The following TRIM3 variants were observed in gnomAD, a reference collection of about 807,000 sequenced individuals.
TRIM3 encodes the protein tripartite motif containing 3.
TRIM3 carries 13 observed loss-of-function variants against 66.6 expected under a neutral mutation model. The observed-to-expected ratio is 0.20, with a 90% CI of 0.13 to 0.31. The LOEUF (loss-of-function observed/expected upper bound fraction) is 0.31. Among genes scored for constraint, TRIM3 ranks in the 10% least tolerant of loss-of-function variants. The pLI is 1.00. For synonymous variants in TRIM3, 406 were observed against 411.7 expected, an observed-to-expected ratio of 0.99 and a Z score of 0.17; for missense variants, 711 against 1,020.4, an observed-to-expected ratio of 0.70 and a Z score of 4.13.
Position 6,457,385 on chromosome 11 carries a change from C to T in TRIM3, c.607G>A (p.Ala203Thr), listed in dbSNP as rs568644600. The part of the protein sequence containing the change: ...RKAEALAQIS[A>T]AFEDLEQALQ... ...GCTTGCTCCAGGTCCTCGAACGCTGCACTGATCTGGGCCAGGGCCTCTGCC... is the reference window on the plus strand; with the variant it reads ...GCTTGCTCCAGGTCCTCGAACGCTGTACTGATCTGGGCCAGGGCCTCTGCC... Residue 203 changes from alanine to threonine, a missense_variant, in exon 5 of 12, where the codon GCA (alanine) becomes ACA (threonine). Around this residue, in one of 3 missense-constraint regions of TRIM3, gnomAD observed 399 missense variants for 458.1 expected, o/e 0.87. Transcript: ENST00000345851. The surrounding 1 kb of genome is among the most constrained non-coding windows in gnomAD (Gnocchi z 4.5). 6.2e-7 allele frequency: 1 copy of T among 1,613,864 alleles called. No individual in the cohort carries two copies. Among genetic ancestry groups the T allele is most frequent in the South Asian group, 1.1e-5 (1 of 91,076 alleles).
rs1850748928 is a variant in TRIM3 at position 6,472,929 on chromosome 11, C to T, written c.-38+862G>A. Among the ~76,000 whole-genome samples the T allele has an allele frequency of 2.0e-5, 3 of 152,116 alleles. No homozygotes were observed. In the South Asian group the frequency reaches 6.2e-4, roughly 31 times the overall value. Reference sequence around the variant, plus strand: ...GATGAATGGGCACCAGTGAGCTAGACAGACTGGCCAAGGGAGACCTGTGAT... The same window carrying T: ...GATGAATGGGCACCAGTGAGCTAGATAGACTGGCCAAGGGAGACCTGTGAT... On this transcript the variant is annotated intron_variant, in intron 1 of 11. Coordinates refer to ENST00000345851, the MANE Select transcript of TRIM3 (RefSeq NM_033278.4).
rs976021456 is a variant in TRIM3 at position 6,469,414 on chromosome 11, G to A, written c.-37-3682C>T. ...CTGAATCTGAGATTCTCTTCCTCCC[G>A]TGGGGTCCTAGCTCTTCCATCCCAC... On this transcript the variant is annotated intron_variant, in intron 1 of 11. Transcript: ENST00000345851. Among the ~76,000 whole-genome samples, 3 of 152,134 alleles carry A rather than the reference G, an allele frequency of 2.0e-5. No individual in the cohort carries two copies. In the South Asian group the frequency reaches 6.2e-4, roughly 31 times the overall value.
At chr11:6,470,000 T>C (rs1195113936) in intron 1 of TRIM3, among the ~76,000 whole-genome samples, 1 of 152,208 alleles carries the variant, frequency 6.6e-6, no homozygotes, top group Non-Finnish European at 1.5e-5. Context: ...AGGCAAAAGA[T>C]ATATCATGCA....
rs2134149410 is a variant in TRIM3 at position 6,448,861 on chromosome 11, TA to T, written c.*166del. ...GTCACCAAAGCAAGAACCGAATAAA[TA>T]AAGTGCAACCGTGGGGGTGGGGGTA... On this transcript the variant is annotated 3_prime_UTR_variant, in exon 12 of 12. Coordinates refer to ENST00000345851, the MANE Select transcript of TRIM3 (RefSeq NM_033278.4). 1.3e-6 allele frequency: 1 copy of T among 786,522 alleles called. No homozygotes were observed. Among genetic ancestry groups the T allele is most frequent in the East Asian group, 2.6e-5 (1 of 38,632 alleles). 48.7% of individuals were successfully genotyped at this position (786,522 alleles called of 1,614,324 possible).
At position 6,450,347 on chromosome 11, in the gene TRIM3, C is replaced by G; in HGVS notation, c.1941+204G>C. The G allele has an allele frequency of 1.7e-6, 1 of 583,568 alleles. No homozygotes were observed. The highest frequency in any genetic ancestry group is 2.8e-5 in the East Asian group (1 of 35,844). 36.1% of individuals were successfully genotyped at this position (583,568 alleles called of 1,614,324 possible). ...CTACTAGACTATAATCAAGAAGACA[C>G]AGAATACATTTGCTTTGTGCATCAC... On this transcript the variant is annotated intron_variant, in intron 10 of 11. Coordinates refer to ENST00000345851, the MANE Select transcript of TRIM3 (RefSeq NM_033278.4). The surrounding 1 kb of genome is among the most constrained non-coding windows in gnomAD (Gnocchi z 4.8).
chr11:6,453,323 A>G (rs1196158123), intron 7 of TRIM3: 1 of 152,232 alleles, frequency 6.6e-6, no homozygotes. Flanking sequence ...CAGTCCACAA[A>G]GTCCTGCCAT....
Position 6,450,829 on chromosome 11 carries a change from G to A in TRIM3, c.1870+63C>T. On this transcript the variant is annotated intron_variant, in intron 9 of 11. Transcript: ENST00000345851. This position sits in a 1 kb window ranked among gnomAD's most constrained non-coding sequence, Gnocchi z 4.8. ...GGAGGAGAGGGCCTTTACAGCTGGG[G>A]TATCTAGGGGAGTTCTCTGGAACAG... The A allele has an allele frequency of 1.9e-6, 3 of 1,591,778 alleles. No individual in the cohort carries two copies. The highest frequency in any genetic ancestry group is 2.6e-6 in the Non-Finnish European group (3 of 1,164,328).
At chr11:6,460,897 GCTT>G (rs1850204198) in intron 2 of TRIM3, among the ~76,000 whole-genome samples, 1 of 123,024 alleles carries the variant, frequency 8.1e-6, no homozygotes, top group Non-Finnish European at 1.7e-5. Flanking sequence ...TTTTTTGGTG[GCTT>G]TTTTTTTTTT....
chr11:6,469,155 T>G lies in TRIM3; in HGVS notation c.-37-3423A>C, dbSNP rs550357357. On this transcript the variant is annotated intron_variant, in intron 1 of 11. Coordinates refer to ENST00000345851, the MANE Select transcript of TRIM3 (RefSeq NM_033278.4). Reference sequence around the variant, plus strand: ...CGGGAGGCAAGCTGAAGCCTCTGTCTGGTGAAGGGAAAGGCTGGGAGGAAG... The same window carrying G: ...CGGGAGGCAAGCTGAAGCCTCTGTCGGGTGAAGGGAAAGGCTGGGAGGAAG... 2.0e-5 allele frequency among the ~76,000 whole-genome samples: 3 copies of G among 152,302 alleles called. No individual in the cohort carries two copies. In the South Asian group the frequency reaches 6.2e-4, roughly 32 times the overall value.
chr11:6,461,030 C>T (rs550085104), intron 2 of TRIM3, among the ~76,000 whole-genome samples: 63 of 151,494 alleles, frequency 4.2e-4, no homozygotes, highest in African/African-American at 1.4e-3. Flanking sequence ...CTCAGCCTCC[C>T]GAGCAGCTGG....
chr11:6,458,449 C>T lies in TRIM3; in HGVS notation c.132-153G>A, dbSNP rs549047850. On this transcript the variant is annotated intron_variant, in intron 2 of 11. Coordinates refer to ENST00000345851, the MANE Select transcript of TRIM3 (RefSeq NM_033278.4). This position sits in a 1 kb window ranked among gnomAD's most constrained non-coding sequence, Gnocchi z 6.2. ...CTGCTTGACACATCTCATCTGCCAG[C>T]AGGTATAATGGCCTTGCCCCTTACA... 4 of 654,766 alleles carry T rather than the reference C, an allele frequency of 6.1e-6. No individual in the cohort carries two copies. The East Asian group carries it at 1.1e-4, about 18-fold the overall frequency. The allele number at this position is 654,766 out of a possible 1,614,324, so 40.6% of individuals were successfully genotyped here. A position where few individuals can be genotyped will look rare whatever the true frequency, so the allele number is the denominator to read the frequency against.
At chr11:6,462,695 A>G (rs948468654) in intron 2 of TRIM3, among the ~76,000 whole-genome samples, 2 of 152,146 alleles carry the variant, frequency 1.3e-5, no homozygotes, top group African/African-American at 4.8e-5. Context: ...TACAGGCATG[A>G]GCAACTGCAC....
rs1482261305 is a variant in TRIM3, at chr11:6,448,893, G to C, written c.*135C>G. On this transcript the variant is annotated 3_prime_UTR_variant, in exon 12 of 12. Transcript: ENST00000345851. Reference sequence around the variant, plus strand: ...CAACCGTGGGGGTGGGGGTAGGAGAGGGAGGGCACCGGGTGCACCCATGCC... The same window carrying C: ...CAACCGTGGGGGTGGGGGTAGGAGACGGAGGGCACCGGGTGCACCCATGCC... 9.1e-7 allele frequency: 1 copy of C among 1,093,842 alleles called. No individual in the cohort carries two copies. Among genetic ancestry groups the C allele is most frequent in the Non-Finnish European group, 1.4e-6 (1 of 736,116 alleles). The allele number at this position is 1,093,842 out of a possible 1,614,324, so 67.8% of individuals were successfully genotyped here.
chr11:6,457,425 C>A lies in TRIM3; in HGVS notation c.567G>T (p.Gln189His). ...AIALVGGISQ[Q>H]LQERKAEALA... Reference sequence around the variant, plus strand: ...GGGCCTCTGCCTTGCGCTCCTGCAGCTGCTGGCTGATGCCCCCGACTAAGG... The same window carrying A: ...GGGCCTCTGCCTTGCGCTCCTGCAGATGCTGGCTGATGCCCCCGACTAAGG... Residue 189 changes from glutamine (Q) to histidine (H), a missense_variant, in exon 5 of 12, where the codon CAG (glutamine) becomes CAT (histidine). Physicochemically the swap from Gln to His is conservative, Grantham distance 24. Transcript: ENST00000345851. This position sits in a 1 kb window ranked among gnomAD's most constrained non-coding sequence, Gnocchi z 4.5. 6.2e-7 allele frequency: 1 copy of A among 1,613,584 alleles called. No individual in the cohort carries two copies. The highest frequency in any genetic ancestry group is 8.5e-7 in the Non-Finnish European group (1 of 1,180,034).
At chr11:6,451,596 T>C in intron 7 of TRIM3, 158 bp from the exon 8 acceptor site, 1 of 716,568 alleles carries the variant, frequency 1.4e-6, no homozygotes, top group Non-Finnish European at 2.3e-6. Flanking sequence ...GCAGCAGGTC[T>C]GGGGCAATGC....
At chr11:6,455,403 A>T (rs1167270470) in intron 7 of TRIM3, among the ~76,000 whole-genome samples, 1 of 152,118 alleles carries the variant, frequency 6.6e-6, no homozygotes, top group African/African-American at 2.4e-5. Context: ...TGCCCACTGT[A>T]CTAGGCTCTG....
At position 6,449,579 on chromosome 11, in the gene TRIM3, T is replaced by C; in HGVS notation, c.1942-133A>G. The C allele has an allele frequency of 1.3e-6, 1 of 799,534 alleles. No homozygotes were observed. Among genetic ancestry groups the C allele is most frequent in the Non-Finnish European group, 2.0e-6 (1 of 512,720 alleles). The allele number at this position is 799,534 out of a possible 1,614,324, so 49.5% of individuals were successfully genotyped here. On this transcript the variant is annotated intron_variant, in intron 10 of 11. Transcript: ENST00000345851. This position sits in a 1 kb window ranked among gnomAD's most constrained non-coding sequence, Gnocchi z 5.3. ...ACAGCTACAGCCCAAATCTGCTTCA[T>C]AGGCTTCACATCCATGTGCCCTACT...
chr11:6,459,694 G>C (rs1249100383), intron 2 of TRIM3, among the ~76,000 whole-genome samples: 1 of 152,196 alleles, frequency 6.6e-6, no homozygotes, highest in Non-Finnish European at 1.5e-5. Flanking sequence ...AAATAAATTT[G>C]AGAAGTGTTT....
rs767296856 is a variant in TRIM3 at position 6,457,504 on chromosome 11, T to A, written c.516-28A>T. On this transcript the variant is annotated intron_variant, in intron 4 of 11. Coordinates refer to ENST00000345851, the MANE Select transcript of TRIM3 (RefSeq NM_033278.4). The surrounding 1 kb of genome is among the most constrained non-coding windows in gnomAD (Gnocchi z 4.5). Reference sequence around the variant, plus strand: ...GGAGGGGGAATATCTCATTCCAGAGTTGCTGAGGGTGGCTTTGCCGAACTT... The same window carrying A: ...GGAGGGGGAATATCTCATTCCAGAGATGCTGAGGGTGGCTTTGCCGAACTT... 1 of 1,604,626 alleles carries A rather than the reference T, an allele frequency of 6.2e-7. No individual in the cohort carries two copies. Among genetic ancestry groups the A allele is most frequent in the Admixed American group, 1.7e-5 (1 of 59,858 alleles).
Sources: gnomAD v4.1 joint callset for allele counts (sites outside exome capture counted in the v4.1 genomes callset) on GRCh38, gnomAD v4.1.1 for gene constraint, gnomAD v4.1.1 regional missense constraint, Gnocchi (gnomAD v3.1) non-coding constraint, MANE v1.5 for transcripts, NCBI Gene and HGNC (gene_info 2026-07-23, HGNC 2026-07-21) for gene names.